The following EXOC4 variants were observed in gnomAD, a reference collection of about 807,000 sequenced individuals.
EXOC4 encodes the protein SEC8-like 1.
A neutral mutation model predicts 107.2 loss-of-function variants in EXOC4; 71 were observed. The observed-to-expected ratio is 0.66, with a 90% CI of 0.55 to 0.81. EXOC4 has a LOEUF of 0.81. Ranked by LOEUF, EXOC4 falls within the 30% of genes least tolerant of loss-of-function variation. The pLI is 0.00. For missense variants in EXOC4, 1,108 were observed against 1,189.6 expected (o/e 0.93, Z 1.01); for synonymous variants, 456 against 441.2 (o/e 1.03, Z -0.42).
chr7:133,812,051 A>G (rs1797245140), intron 10 of EXOC4, among the ~76,000 whole-genome samples: 1 of 152,288 alleles, frequency 6.6e-6, no homozygotes, highest in African/African-American at 2.4e-5. Context: ...TCATTCCTAC[A>G]TCCATTTATT....
intron 9 of EXOC4, among the ~76,000 whole-genome samples, chr7:133,501,189 T>C (rs1257509784): frequency 6.6e-6 from 1 of 152,224 alleles, no homozygotes; most frequent in Non-Finnish European, 1.5e-5. Context: ...TTGTAAGTTC[T>C]GAATAAATCC....
At chr7:133,703,678 G>A (rs1794711306) in intron 10 of EXOC4, among the ~76,000 whole-genome samples, 1 of 152,078 alleles carries the variant, frequency 6.6e-6, no homozygotes, top group Non-Finnish European at 1.5e-5. Flanking sequence ...AACAAATTAC[G>A]CTTATGCATG....
rs974892070 is a variant in EXOC4 at position 133,317,327 on chromosome 7, A to T, written c.700A>T (p.Asn234Tyr). 1.2e-6 allele frequency: 2 copies of T among 1,613,684 alleles called. No individual in the cohort carries two copies. Among genetic ancestry groups the T allele is most frequent in the Non-Finnish European group, 1.7e-6 (2 of 1,179,774 alleles). The part of the protein sequence containing the change: ...DASVPLIDVT[N>Y]LPTPRKFLDT... The stretch of plus-strand genomic sequence containing the variant: ...TTCTGTTCCTCTGATTGATGTTACA[A>T]ACCTCCCTACTCCTCGAAAATTCCT... Residue 234 changes from asparagine to tyrosine, a missense_variant, in exon 5 of 18, where the codon AAC becomes TAC. Coordinates refer to ENST00000253861, the MANE Select transcript of EXOC4 (RefSeq NM_021807.4).
chr7:133,256,888 C>T (rs908593743), intron 1 of EXOC4, among the ~76,000 whole-genome samples: 8 of 152,166 alleles, frequency 5.3e-5, no homozygotes, highest in South Asian at 2.1e-4. Flanking sequence ...AGTTAAATAA[C>T]GACTCTATTT....
chr7:133,735,891 C>A lies in EXOC4; in HGVS notation c.1515-81434C>A, dbSNP rs1169382138. ...CACTTGAGGTTAGTTCGAAACCAGC[C>A]TGGGCAACAGGGCGAAATTCCATCT... On this transcript the variant is annotated intron_variant, in intron 10 of 17. Transcript: ENST00000253861. Among the ~76,000 whole-genome samples, 3 of 151,984 alleles carry A rather than the reference C, an allele frequency of 2.0e-5. No individual in the cohort carries two copies. In the East Asian group the frequency reaches 5.8e-4, roughly 29 times the overall value.
At chr7:133,877,166 G>A (rs976384351) in intron 11 of EXOC4, among the ~76,000 whole-genome samples, 5 of 151,442 alleles carry the variant, frequency 3.3e-5, no homozygotes, top group Non-Finnish European at 7.4e-5. Flanking sequence ...TGTTTCTGCC[G>A]TGTTTATATT....
downstream of EXOC4, among the ~76,000 whole-genome samples, chr7:134,070,652 A>G (rs1796261857): frequency 6.6e-6 from 1 of 152,178 alleles, no homozygotes; most frequent in Non-Finnish European, 1.5e-5. Flanking sequence ...GTCTGTAATT[A>G]AAAATATTGC....
chr7:133,338,252 C>A (rs1795566352), intron 5 of EXOC4, among the ~76,000 whole-genome samples: 1 of 151,868 alleles, frequency 6.6e-6, no homozygotes, highest in South Asian at 2.1e-4. Flanking sequence ...TTTGAATATA[C>A]CTCATATACA....
intron 10 of EXOC4, among the ~76,000 whole-genome samples, chr7:133,678,085 C>T (rs999564894): frequency 6.6e-6 from 1 of 152,094 alleles, no homozygotes; most frequent in Non-Finnish European, 1.5e-5. Context: ...AGTAAAGCTG[C>T]TATATAAAAA....
chr7:133,556,267 A>G (rs1325579435), intron 9 of EXOC4, among the ~76,000 whole-genome samples: 1 of 152,214 alleles, frequency 6.6e-6, no homozygotes, highest in Admixed American at 6.5e-5. Flanking sequence ...GCTCAAGTTA[A>G]TGGCTTGTAT....
intron 8 of EXOC4, among the ~76,000 whole-genome samples, chr7:133,478,638 G>A (rs1445970379): frequency 6.6e-6 from 1 of 152,164 alleles, no homozygotes; most frequent in African/African-American, 2.4e-5. Context: ...TTAAGATTTT[G>A]ACTGTTTTTA....
Position 133,437,369 on chromosome 7 carries a change from T to C in EXOC4, c.1183-37959T>C, listed in dbSNP as rs373717996. On this transcript the variant is annotated intron_variant, in intron 7 of 17. Transcript: ENST00000253861. ...GGTACAATTTTCTGTTCAGAAGAAA[T>C]GGAAAAGTTTGGTGGCATTCATTTT... Among the ~76,000 whole-genome samples, 173 of 152,320 alleles carry C rather than the reference T, an allele frequency of 1.1e-3. 1 individual carries two copies. Among genetic ancestry groups the C allele is most frequent in the African/African-American group, 3.9e-3 (164 of 41,580 alleles).
At chr7:133,256,333 TC>T (rs1795019039) in intron 1 of EXOC4, among the ~76,000 whole-genome samples, 1 of 152,206 alleles carries the variant, frequency 6.6e-6, no homozygotes, top group Non-Finnish European at 1.5e-5. Flanking sequence ...TCTCCTCCTA[TC>T]TTTAACGTTG....
chr7:134,040,458 C>T (rs568627214), intron 17 of EXOC4, among the ~76,000 whole-genome samples: 1 of 152,284 alleles, frequency 6.6e-6, no homozygotes, highest in African/African-American at 2.4e-5. Flanking sequence ...AAACACATCG[C>T]ACTCCCACCC....
chr7:133,717,180 G>T (rs907618724), intron 10 of EXOC4, among the ~76,000 whole-genome samples: 1 of 152,146 alleles, frequency 6.6e-6, no homozygotes, highest in Non-Finnish European at 1.5e-5. Context: ...CTTTAAGGTG[G>T]CTACTGCCAA....
At chr7:133,303,285 T>G (rs566002843) in intron 3 of EXOC4, among the ~76,000 whole-genome samples, 1 of 152,042 alleles carries the variant, frequency 6.6e-6, no homozygotes, top group Admixed American at 6.6e-5. Context: ...ATACAAAAAA[T>G]TAGCTGGGCA....
intron 13 of EXOC4, among the ~76,000 whole-genome samples, 187 bp downstream of exon 13, chr7:133,917,925 T>C (rs1799847270): frequency 6.6e-6 from 1 of 152,000 alleles, no homozygotes; most frequent in African/African-American, 2.4e-5. Context: ...CTCAAAACTT[T>C]AGAAGGAAAA....
chr7:133,452,973 T>G (rs1798380985), intron 7 of EXOC4, among the ~76,000 whole-genome samples: 1 of 147,962 alleles, frequency 6.8e-6, no homozygotes, highest in Non-Finnish European at 1.5e-5. Flanking sequence ...AAAGTCTCCT[T>G]TTGTCCTCCC....
At chr7:133,563,036 T>C (rs910760895) in intron 9 of EXOC4, among the ~76,000 whole-genome samples, 2 of 152,174 alleles carry the variant, frequency 1.3e-5, no homozygotes, top group Non-Finnish European at 2.9e-5. Flanking sequence ...TTATTTAAAA[T>C]GTATATTTCA....
Sources: gnomAD v4.1 joint callset for allele counts (sites outside exome capture counted in the v4.1 genomes callset) on GRCh38, gnomAD v4.1.1 for gene constraint, MANE v1.5 for transcripts, NCBI Gene and HGNC (gene_info 2026-07-23, HGNC 2026-07-21) for gene names.